The following ERI1 variants were observed in gnomAD, a reference collection of about 807,000 sequenced individuals.
ERI1 encodes exoribonuclease 1.
ERI1 carries 39 observed loss-of-function variants against 39.7 expected under a neutral mutation model. The observed-to-expected ratio is 0.98, with a 90% CI of 0.76 to 1.28. The LOEUF (loss-of-function observed/expected upper bound fraction) is 1.28. ERI1 is among the 50% of genes most tolerant of loss of function. The pLI, the probability that ERI1 is intolerant of heterozygous loss-of-function variation, is 0.00. For missense variants in ERI1, 581 were observed against 416.9 expected, an observed-to-expected ratio of 1.39 and a Z score of -3.43; for synonymous variants, 204 against 149.6, an observed-to-expected ratio of 1.36 and a Z score of -2.65.
intron 3 of ERI1, 127 bp downstream of exon 3, chr8:9,011,879 A>G (rs950427532): frequency 4.7e-6 from 3 of 632,634 alleles, no homozygotes; most frequent in Admixed American, 3.2e-5. Flanking sequence ...TTTCTTTGCC[A>G]TGAACTTTAT....
chr8:9,038,426 C>A (rs1797918163), intron 3 of ERI1, among the ~76,000 whole-genome samples: 1 of 152,208 alleles, frequency 6.6e-6, no homozygotes, highest in Non-Finnish European at 1.5e-5. Flanking sequence ...AGTCATTGAT[C>A]ATACTATCAT....
intron 3 of ERI1, among the ~76,000 whole-genome samples, chr8:9,040,396 G>A (rs1056439968): frequency 3.9e-5 from 6 of 152,182 alleles, no homozygotes; most frequent in Non-Finnish European, 7.3e-5. Context: ...GGAGGCTTCT[G>A]CTTTGTTCTC....
At chr8:9,067,599 G>A (rs1471344364) in intron 3 of ERI1, among the ~76,000 whole-genome samples, 1 of 149,792 alleles carries the variant, frequency 6.7e-6, no homozygotes, top group Non-Finnish European at 1.5e-5. Context: ...AGGCTGCAGT[G>A]AGCCAAGATC....
intron 3 of ERI1, among the ~76,000 whole-genome samples, chr8:9,054,422 T>C (rs531245862): frequency 6.6e-6 from 1 of 152,198 alleles, no homozygotes; most frequent in African/African-American, 2.4e-5. Flanking sequence ...GGAGTGAGGA[T>C]TGTAGCGACA....
chr8:9,090,654 T>C lies in ERI1; in HGVS notation n.300-25694T>C, dbSNP rs535331649. On this transcript the variant is annotated intron_variant and non_coding_transcript_variant, in intron 3 of 3. Transcript: ENST00000518663. ...AAGAAATGAGAAAGGAAACTCTCTC[T>C]GGGGTCCTCCTCTATAGATAAAACT... Among the ~76,000 whole-genome samples, 24 of 152,356 alleles carry C rather than the reference T, an allele frequency of 1.6e-4. No individual in the cohort carries two copies. The South Asian group carries it at 2.7e-3, about 17-fold the overall frequency.
intron 2 of ERI1, among the ~76,000 whole-genome samples, chr8:9,008,604 A>T (rs753145060): frequency 1.3e-5 from 2 of 152,240 alleles, no homozygotes; most frequent in African/African-American, 4.8e-5. Flanking sequence ...ATAATCTACA[A>T]TGATCGTTTG....
intron 3 of ERI1, among the ~76,000 whole-genome samples, chr8:9,096,536 C>T (rs1010627727): frequency 1.3e-5 from 2 of 152,042 alleles, no homozygotes; most frequent in African/African-American, 4.8e-5. Flanking sequence ...TGAAAGGGCT[C>T]ACTGTGAGGA....
intron 3 of ERI1, among the ~76,000 whole-genome samples, chr8:9,084,857 T>C (rs1198794159): frequency 6.6e-6 from 1 of 152,212 alleles, no homozygotes; most frequent in African/African-American, 2.4e-5. Context: ...TGGAGAGGTG[T>C]ACACAAGCAC....
chr8:9,063,486 G>A (rs1798771239), intron 3 of ERI1, among the ~76,000 whole-genome samples: 1 of 152,168 alleles, frequency 6.6e-6, no homozygotes, highest in Admixed American at 6.5e-5. Flanking sequence ...GAGGAGCGGA[G>A]GCTGAGGAAG....
At chr8:9,058,384 C>T (rs990288436) in intron 3 of ERI1, among the ~76,000 whole-genome samples, 7 of 152,196 alleles carry the variant, frequency 4.6e-5, no homozygotes, top group Admixed American at 4.6e-4. Flanking sequence ...ACCAGGAACA[C>T]ATTTACTCAT....
At chr8:9,003,367 C>G (rs952487688) in intron 1 of ERI1, among the ~76,000 whole-genome samples, 196 bp downstream of exon 1, 3 of 152,242 alleles carry the variant, frequency 2.0e-5, no homozygotes, top group African/African-American at 7.2e-5. Flanking sequence ...CCGAATCACT[C>G]TCTGGGAGGG....
At position 9,047,440 on chromosome 8, in the gene ERI1, G is replaced by A. The variant is rs561365476; in HGVS notation, n.299+26976G>A. 1.2e-3 allele frequency among the ~76,000 whole-genome samples: 178 copies of A among 152,248 alleles called. 1 individual carries two copies. The highest frequency in any genetic ancestry group is 4.1e-3 in the African/African-American group (171 of 41,548). On this transcript the variant is annotated intron_variant and non_coding_transcript_variant, in intron 3 of 3. Coordinates refer to the ERI1 transcript ENST00000518663. Reference sequence around the variant, plus strand: ...TGCTTGCCACTAGGAGATGGGAAATGGGCTGCAGAAGTTCTGAAGCTGAAA... The same window carrying A: ...TGCTTGCCACTAGGAGATGGGAAATAGGCTGCAGAAGTTCTGAAGCTGAAA...
chr8:9,033,891 C>T (rs1303178543), downstream of ERI1, among the ~76,000 whole-genome samples: 2 of 152,160 alleles, frequency 1.3e-5, no homozygotes, highest in Non-Finnish European at 2.9e-5. Context: ...ATTTTCAATG[C>T]GATTGTACTA....
intron 1 of ERI1, chr8:9,004,217 T>TGCAA: frequency 1.6e-6 from 2 of 1,271,592 alleles, no homozygotes; most frequent in South Asian, 2.5e-5. Flanking sequence ...AAAGAGTACT[T>TGCAA]GCACATCCCT....
At chr8:9,083,653 G>A (rs1799436084) in intron 3 of ERI1, among the ~76,000 whole-genome samples, 1 of 151,834 alleles carries the variant, frequency 6.6e-6, no homozygotes, top group Admixed American at 6.6e-5. Flanking sequence ...AAAAAGCGGG[G>A]GGGAAGAATA....
In ERI1 at chr8:9,016,273, G is replaced by C. The variant is rs201272347; in HGVS notation, c.499-49G>C. ...GAATTCGTCGTGTATCATGTATCGT[G>C]TATCTTAACTCATATAAATTACTTT... On this transcript the variant is annotated intron_variant, in intron 3 of 6. Coordinates refer to ENST00000250263, the MANE Select transcript of ERI1 (RefSeq NM_153332.4). 40 of 1,183,402 alleles carry C rather than the reference G, an allele frequency of 3.4e-5. No individual in the cohort carries two copies. The African/African-American group carries it at 5.1e-4, about 15-fold the overall frequency. The allele number at this position is 1,183,402 out of a possible 1,614,324, so 73.3% of individuals were successfully genotyped here.
At chr8:9,074,236 G>A (rs913663445) in intron 3 of ERI1, among the ~76,000 whole-genome samples, 2 of 151,462 alleles carry the variant, frequency 1.3e-5, no homozygotes, top group East Asian at 1.9e-4. Context: ...TCAGCTTCCC[G>A]AGTAGCCTGG....
At chr8:9,072,386 A>G (rs1289784875) in intron 3 of ERI1, 2 of 152,196 alleles carry the variant, frequency 1.3e-5, no homozygotes, top group Admixed American at 6.5e-5. Context: ...TTGGAAGCCT[A>G]TTCACAGCAT....
At chr8:9,076,888 G>T (rs931734135) in intron 3 of ERI1, among the ~76,000 whole-genome samples, 3 of 152,232 alleles carry the variant, frequency 2.0e-5, no homozygotes, top group Non-Finnish European at 4.4e-5. Flanking sequence ...CTCTGGGGCA[G>T]AGTTGATGAT....
Sources: gnomAD v4.1 joint callset for allele counts (sites outside exome capture counted in the v4.1 genomes callset) on GRCh38, gnomAD v4.1.1 for gene constraint, MANE v1.5 for transcripts, NCBI Gene and HGNC (gene_info 2026-07-23, HGNC 2026-07-21) for gene names.